Variants in NEK10 observed in about 807,000 individuals in gnomAD.
The protein encoded by NEK10 is NIMA related kinase 10, also known as serine/threonine-protein kinase Nek10.
Under a neutral mutation model 159.8 loss-of-function variants are expected in NEK10, and 122 were observed. The observed-to-expected ratio is 0.76, with a 90% CI of 0.66 to 0.89. NEK10 has a LOEUF of 0.89. NEK10 is among the 40% of genes least tolerant of loss of function. The pLI, the probability that NEK10 is intolerant of heterozygous loss-of-function variation, is 0.00. For synonymous variants in NEK10, 466 were observed against 457.1 expected (o/e 1.02, Z -0.25); for missense variants, 1,342 against 1,323.1 (o/e 1.01, Z -0.22).
Position 27,116,010 on chromosome 3 carries a change from A to G in NEK10, c.3244-15T>C. On this transcript the variant is annotated splice_polypyrimidine_tract_variant and intron_variant, in intron 34 of 35. Transcript: ENST00000691995. Reference sequence around the variant, plus strand: ...TCAATCACAGTCTAAAATTTTAAAAATCAGGTTAGTATTGAATTAGAAGTA... The same window carrying G: ...TCAATCACAGTCTAAAATTTTAAAAGTCAGGTTAGTATTGAATTAGAAGTA... 6.2e-7 allele frequency: 1 copy of G among 1,612,988 alleles called. No homozygotes were observed. The highest frequency in any genetic ancestry group is 8.5e-7 in the Non-Finnish European group (1 of 1,179,250).
chr3:27,187,318 A>C (rs941393416), intron 26 of NEK10, among the ~76,000 whole-genome samples: 6 of 152,192 alleles, frequency 3.9e-5, no homozygotes, highest in African/African-American at 1.4e-4. Context: ...TTGGGATGGC[A>C]AAGAAACTTT....
intron 1 of NEK10, among the ~76,000 whole-genome samples, chr3:27,358,277 T>C (rs1270039365): frequency 6.6e-6 from 1 of 152,184 alleles, no homozygotes; most frequent in African/African-American, 2.4e-5. Context: ...CAGAAACTTT[T>C]GGTGTCTTTG....
At chr3:27,181,789 A>G (rs1295757282) in intron 26 of NEK10, among the ~76,000 whole-genome samples, 2 of 152,190 alleles carry the variant, frequency 1.3e-5, no homozygotes, top group East Asian at 3.9e-4. Flanking sequence ...CTGTATCAGG[A>G]GAATACTAGA....
chr3:27,217,263 TC>T (rs1413312706), intron 23 of NEK10, among the ~76,000 whole-genome samples: 1 of 152,176 alleles, frequency 6.6e-6, no homozygotes, highest in Non-Finnish European at 1.5e-5. Flanking sequence ...CCTGTATTCG[TC>T]CACTCTCGCA....
Position 27,116,058 on chromosome 3 carries a change from C to A in NEK10, c.3243+17G>T. On this transcript the variant is annotated intron_variant, in intron 34 of 35. Coordinates refer to ENST00000691995, the MANE Select transcript of NEK10 (RefSeq NM_001394966.1). Reference sequence around the variant, plus strand: ...GTAACAAAATAAAATCATTCAGAGACACTGCAAAAACCTCACCTGCATCTG... The same window carrying A: ...GTAACAAAATAAAATCATTCAGAGAAACTGCAAAAACCTCACCTGCATCTG... 6.2e-7 allele frequency: 1 copy of A among 1,613,202 alleles called. No individual in the cohort carries two copies.
At chr3:27,201,269 A>G (rs1408857721) in intron 25 of NEK10, among the ~76,000 whole-genome samples, 1 of 152,188 alleles carries the variant, frequency 6.6e-6, no homozygotes, top group Non-Finnish European at 1.5e-5. Context: ...ACAGGTTGTT[A>G]CAAACCCTTC....
At chr3:27,178,543 C>T (rs539664188) in intron 26 of NEK10, among the ~76,000 whole-genome samples, 2 of 152,276 alleles carry the variant, frequency 1.3e-5, no homozygotes, top group South Asian at 2.1e-4. Flanking sequence ...TTTAGTGCTA[C>T]CAGGTGCTAG....
chr3:27,233,713 C>G (rs1953576669), intron 23 of NEK10, among the ~76,000 whole-genome samples: 1 of 151,968 alleles, frequency 6.6e-6, no homozygotes, highest in Admixed American at 6.6e-5. Context: ...GGTACCATTC[C>G]TACTGAAACT....
chr3:27,145,689 C>T (rs1292038376), intron 30 of NEK10, among the ~76,000 whole-genome samples: 1 of 151,988 alleles, frequency 6.6e-6, no homozygotes, highest in Non-Finnish European at 1.5e-5. Flanking sequence ...GCATAAAACA[C>T]CTCCCAGTGC....
At position 27,352,332 on chromosome 3, in the gene NEK10, T is replaced by C. The variant is rs2048027024; in HGVS notation, c.132+133A>G. On this transcript the variant is annotated intron_variant, in intron 3 of 35. Transcript: ENST00000691995. ...ACCAGGTGTCAGAGAAACAGCCAGA[T>C]GAAGAAAGAGCAAAGATGTGAATAA... 8.8e-6 allele frequency: 6 copies of C among 678,436 alleles called. No individual in the cohort carries two copies. In the South Asian group the frequency reaches 1.1e-4, roughly 12 times the overall value. The allele number at this position is 678,436 out of a possible 1,614,324, so 42.0% of individuals were successfully genotyped here.
chr3:27,301,884 C>T (rs1051394945), intron 12 of NEK10, 49 bp from the exon 13 acceptor site: 24 of 1,437,512 alleles, frequency 1.7e-5, no homozygotes, highest in Admixed American at 4.0e-5. Context: ...TTCCCTTCAC[C>T]GTCAGTCCTT....
At chr3:27,114,580 C>G (rs1455756878) in intron 35 of NEK10, among the ~76,000 whole-genome samples, 4 of 152,168 alleles carry the variant, frequency 2.6e-5, no homozygotes, top group Non-Finnish European at 5.9e-5. Context: ...ACACTGGAGA[C>G]TGAACTAACC....
At chr3:27,309,404 A>G (rs1055762913) in intron 9 of NEK10, 3 of 152,414 alleles carry the variant, frequency 2.0e-5, no homozygotes, top group Non-Finnish European at 4.4e-5. Context: ...TATTTTTTGC[A>G]GTCAATATAA....
At chr3:27,311,551 C>T (rs866610919) in intron 8 of NEK10, 1 of 158,770 alleles carries the variant, frequency 6.3e-6, no homozygotes, top group Non-Finnish European at 1.4e-5. Context: ...AACGGACAGG[C>T]ATCCCACACG....
At chr3:27,145,546 T>G (rs941867076) in intron 30 of NEK10, among the ~76,000 whole-genome samples, 1 of 152,196 alleles carries the variant, frequency 6.6e-6, no homozygotes, top group African/African-American at 2.4e-5. Flanking sequence ...AGAGCTATTT[T>G]GTTTCCCCTT....
At chr3:27,161,415 AC>A (rs1177096402) in intron 30 of NEK10, among the ~76,000 whole-genome samples, 3 of 152,208 alleles carry the variant, frequency 2.0e-5, no homozygotes, top group Admixed American at 1.3e-4. Flanking sequence ...ACATGGGCTA[AC>A]ATTACAGTCA....
At chr3:27,278,498 G>T (rs2041925199) in intron 22 of NEK10, among the ~76,000 whole-genome samples, 1 of 152,184 alleles carries the variant, frequency 6.6e-6, no homozygotes, top group Non-Finnish European at 1.5e-5. Context: ...TGGAGCCTTT[G>T]ATAAACTTTA....
chr3:27,218,562 G>A (rs183520684), intron 23 of NEK10, among the ~76,000 whole-genome samples: 5 of 136,858 alleles, frequency 3.7e-5, no homozygotes, highest in Admixed American at 2.4e-4. Context: ...CCGAGATCAC[G>A]CCACTGCACT....
chr3:27,315,264 C>T (rs936875129), intron 6 of NEK10, among the ~76,000 whole-genome samples: 6 of 152,062 alleles, frequency 3.9e-5, no homozygotes, highest in African/African-American at 1.2e-4. Context: ...AGTACATGAG[C>T]GTGGGAGAGA....
Sources: allele counts gnomAD v4.1 joint callset (sites outside exome capture counted in the v4.1 genomes callset), GRCh38; gene constraint gnomAD v4.1.1; transcripts MANE v1.5; gene names NCBI Gene and HGNC (gene_info 2026-07-23, HGNC 2026-07-21).